The following FCRL5 variants were observed in gnomAD, a reference collection of about 807,000 sequenced individuals.
The protein encoded by FCRL5 is Fc receptor like 5.
A neutral mutation model predicts 92.1 loss-of-function variants in FCRL5; 79 were observed. That is an observed-to-expected ratio of 0.86 (90% CI 0.72 to 1.03). The LOEUF (loss-of-function observed/expected upper bound fraction) is 1.03. Ranked by LOEUF, FCRL5 falls within the 50% of genes least tolerant of loss-of-function variation. FCRL5 has a pLI of 0.00. For missense variants in FCRL5, 1,160 were observed against 1,181.1 expected (o/e 0.98, Z 0.26); for synonymous variants, 466 against 469.3 (o/e 0.99, Z 0.09).
chr1:157,527,726 T>G lies in FCRL5; in HGVS notation c.1851A>C (p.Glu617Asp). 3.7e-6 allele frequency: 6 copies of G among 1,614,198 alleles called. No individual in the cohort carries two copies. Among genetic ancestry groups the G allele is most frequent in the Non-Finnish European group, 5.1e-6 (6 of 1,180,030 alleles). ...CAGTCAGAGAGAGGTTGAAAGAAGC[T>G]TCTCCTCCAGAGGGGGCTGAGCTGC... ...LGSSSAPSGG[E>D]ASFNLSLTAE... Residue 617 changes from glutamate to aspartate, a missense_variant, in exon 9 of 17, where the codon GAA becomes GAC. Coordinates refer to ENST00000361835, the MANE Select transcript of FCRL5 (RefSeq NM_031281.3).
intron 10 of FCRL5, chr1:157,522,437 A>G (rs1339193460): frequency 1.3e-5 from 2 of 152,236 alleles, no homozygotes; most frequent in Non-Finnish European, 2.9e-5. Context: ...TGTGTCTGCA[A>G]GCTAGTTACT....
chr1:157,528,037 A>G, intron 8 of FCRL5, 142 bp from the exon 9 acceptor site: 2 of 959,852 alleles, frequency 2.1e-6, no homozygotes, highest in Admixed American at 5.9e-5. Context: ...GTTGCTGTTC[A>G]CTGATGACAT....
chr1:157,538,605 G>A (rs1438239109), intron 7 of FCRL5, among the ~76,000 whole-genome samples: 1 of 152,192 alleles, frequency 6.6e-6, no homozygotes, highest in East Asian at 1.9e-4. Context: ...AAAGGCTTGA[G>A]CAAGGGAGAC....
intron 9 of FCRL5, among the ~76,000 whole-genome samples, chr1:157,525,527 G>T (rs915958091): frequency 6.6e-6 from 1 of 152,182 alleles, no homozygotes; most frequent in Middle Eastern, 3.2e-3. Context: ...GTCTATCTAT[G>T]CAGGGCTGTG....
At chr1:157,544,149 T>C in intron 5 of FCRL5, 113 bp downstream of exon 5, 1 of 1,088,730 alleles carries the variant, frequency 9.2e-7, no homozygotes, top group African/African-American at 1.6e-5. Context: ...ACAACTCCCA[T>C]TCTCACAGGT....
intron 8 of FCRL5, among the ~76,000 whole-genome samples, chr1:157,529,262 T>G (rs1461394270): frequency 6.6e-6 from 1 of 152,192 alleles, no homozygotes; most frequent in Admixed American, 6.5e-5. Context: ...ACCTTACTCC[T>G]GCAAGAATGG....
intron 13 of FCRL5, 172 bp from the exon 14 acceptor site, chr1:157,518,954 T>C: frequency 1.9e-6 from 1 of 516,244 alleles, no homozygotes; most frequent in Non-Finnish European, 3.4e-6. Flanking sequence ...TCATATTATA[T>C]ATGTTTCCAG....
intron 8 of FCRL5, among the ~76,000 whole-genome samples, chr1:157,529,447 T>C (rs1650586879): frequency 6.6e-6 from 1 of 152,190 alleles, no homozygotes; most frequent in South Asian, 2.1e-4. Flanking sequence ...CACTACTGGG[T>C]ATCTACCCAG....
rs141832350 is a variant in FCRL5 at position 157,551,908 on chromosome 1, G to A, written c.31+424C>T. ...TACAAGAGAAAGACCTGTCTTTCCC[G>A]TTAGAAACCTTGCCTCTTATGCTGG... On this transcript the variant is annotated intron_variant, in intron 1 of 16. Transcript: ENST00000361835. 8.3e-4 allele frequency among the ~76,000 whole-genome samples: 126 copies of A among 152,220 alleles called. 1 individual carries two copies. In the Middle Eastern group the frequency reaches 0.01, roughly 12 times the overall value.
intron 8 of FCRL5, among the ~76,000 whole-genome samples, chr1:157,531,619 A>G (rs1558133071): frequency 6.6e-6 from 1 of 152,198 alleles, no homozygotes; most frequent in Non-Finnish European, 1.5e-5. Flanking sequence ...ATATATGCAC[A>G]ATGGAATAGT....
At chr1:157,533,511 C>T (rs536718163) in intron 8 of FCRL5, 2 of 151,786 alleles carry the variant, frequency 1.3e-5, no homozygotes, top group African/African-American at 2.4e-5. Flanking sequence ...TTTTTTAAAT[C>T]CCCTCTTATC....
At position 157,521,302 on chromosome 1, in the gene FCRL5, AAC is replaced by A. The variant is rs1471371268; in HGVS notation, c.2240-12_2240-11del. 1.9e-6 allele frequency: 3 copies of A among 1,586,934 alleles called. No homozygotes were observed. The African/African-American group carries it at 4.1e-5, about 22-fold the overall frequency. Reference sequence around the variant, plus strand: ...GGGCGAGACACCGGAACTGAAAGAGAACAAAAAGTCAACAGCAGTTTCTGCTT... The same window carrying A: ...GGGCGAGACACCGGAACTGAAAGAGAAAAAAGTCAACAGCAGTTTCTGCTT... On this transcript the variant is annotated splice_polypyrimidine_tract_variant and intron_variant, in intron 10 of 16. Transcript: ENST00000361835.
At chr1:157,549,942 A>T (rs1198245553) in intron 1 of FCRL5, among the ~76,000 whole-genome samples, 1 of 151,982 alleles carries the variant, frequency 6.6e-6, no homozygotes, top group Non-Finnish European at 1.5e-5. Flanking sequence ...AGTGTGTAGG[A>T]TATATGTGTG....
chr1:157,534,276 T>A (rs1479567743), intron 8 of FCRL5: 5 of 683,264 alleles, frequency 7.3e-6, no homozygotes, highest in East Asian at 2.8e-5. Flanking sequence ...AGACTGTGCT[T>A]GTAGCTAAGT....
At chr1:157,516,145 TTTATC>T (rs1296774161) in intron 15 of FCRL5, 83 of 576,706 alleles carry the variant, frequency 1.4e-4, no homozygotes, top group African/African-American at 1.4e-3. Context: ...TCATTTGTCT[TTTATC>T]TTGTTAGTTA....
At chr1:157,520,374 G>A in intron 12 of FCRL5, 57 bp downstream of exon 12, 2 of 1,245,628 alleles carry the variant, frequency 1.6e-6, no homozygotes, top group Non-Finnish European at 2.3e-6. Context: ...TGAAGCCCAA[G>A]GGAGCGTTGC....
chr1:157,517,417 T>G (rs1005166126), intron 15 of FCRL5, among the ~76,000 whole-genome samples: 5 of 152,164 alleles, frequency 3.3e-5, no homozygotes, highest in Non-Finnish European at 5.9e-5. Flanking sequence ...CAGATGTGAT[T>G]AGGATTACAG....
At chr1:157,515,793 C>T (rs200299144) in intron 16 of FCRL5, 29 bp from the exon 17 acceptor site, 53 of 1,613,558 alleles carry the variant, frequency 3.3e-5, no homozygotes, top group Non-Finnish European at 4.5e-5. Flanking sequence ...TGCGTGAGGA[C>T]CAGGGTGGGC....
intron 8 of FCRL5, chr1:157,533,321 T>A (rs892628901): frequency 1.7e-4 from 26 of 152,252 alleles, no homozygotes; most frequent in Non-Finnish European, 3.7e-4. Context: ...GATTTCCATA[T>A]TATAATTTTT....
Sources: gnomAD v4.1 joint callset for allele counts (sites outside exome capture counted in the v4.1 genomes callset) on GRCh38, gnomAD v4.1.1 for gene constraint, MANE v1.5 for transcripts, NCBI Gene and HGNC (gene_info 2026-07-23, HGNC 2026-07-21) for gene names.